The following SLC24A2 variants were observed in gnomAD, a reference collection of about 807,000 sequenced individuals.
The protein encoded by SLC24A2 is sodium/potassium/calcium exchanger 2.
In SLC24A2, 36 loss-of-function variants were observed where a neutral mutation model predicts 62.0. The observed-to-expected ratio is 0.58, with a 90% CI of 0.44 to 0.77. The LOEUF (loss-of-function observed/expected upper bound fraction) is 0.77. Ranked by LOEUF, SLC24A2 falls within the 30% of genes least tolerant of loss-of-function variation. The pLI is 0.00. For missense variants in SLC24A2, 846 were observed against 817.9 expected, an observed-to-expected ratio of 1.03 and a Z score of -0.42; for synonymous variants, 358 against 294.0, an observed-to-expected ratio of 1.22 and a Z score of -2.23.
At chr9:20,002,848 C>T in the SLC24A2 span, among the ~76,000 whole-genome samples, 14 of 152,202 alleles carry the variant, frequency 9.2e-5, no homozygotes, top group Admixed American at 2.6e-4. Flanking sequence ...TTCCACATAA[C>T]AGGGTTTTTC....
intron 7 of SLC24A2, among the ~76,000 whole-genome samples, chr9:19,555,157 A>G (rs1835020051): frequency 6.6e-6 from 1 of 151,892 alleles, no homozygotes; most frequent in Non-Finnish European, 1.5e-5. Context: ...GATAATCAAA[A>G]GGGCACTCTT....
At chr9:19,543,261 G>A (rs1406475280) in intron 8 of SLC24A2, among the ~76,000 whole-genome samples, 1 of 152,152 alleles carries the variant, frequency 6.6e-6, no homozygotes, top group Non-Finnish European at 1.5e-5. Context: ...ATTTCTGTGG[G>A]ATCAGTGGTG....
chr9:20,211,519 G>T, the SLC24A2 span, among the ~76,000 whole-genome samples: 1 of 151,944 alleles, frequency 6.6e-6, no homozygotes, highest in Non-Finnish European at 1.5e-5. Flanking sequence ...TCTCAAAAAA[G>T]AATAATAACA....
chr9:20,054,674 C>T, the SLC24A2 span, among the ~76,000 whole-genome samples: 30,334 of 152,068 alleles, frequency 0.2, 3,422 homozygotes, highest in African/African-American at 0.32. Context: ...TTAGAAGAGG[C>T]CTTGAGAGAG....
At chr9:20,014,426 C>T in the SLC24A2 span, among the ~76,000 whole-genome samples, 1 of 151,346 alleles carries the variant, frequency 6.6e-6, no homozygotes, top group Non-Finnish European at 1.5e-5. Flanking sequence ...TGTCTGCACT[C>T]CCACGATTAC....
chr9:19,960,074 A>G, the SLC24A2 span, among the ~76,000 whole-genome samples: 1 of 152,198 alleles, frequency 6.6e-6, no homozygotes, highest in Admixed American at 6.5e-5. Context: ...CGTTGAGGAT[A>G]AGCTATTGGC....
At chr9:19,794,177 C>A in the SLC24A2 span, among the ~76,000 whole-genome samples, 1 of 152,130 alleles carries the variant, frequency 6.6e-6, no homozygotes, top group South Asian at 2.1e-4. Flanking sequence ...TATTCACTTA[C>A]GAGGTAAGAA....
At chr9:20,012,896 G>GA in the SLC24A2 span, among the ~76,000 whole-genome samples, 102 of 145,700 alleles carry the variant, frequency 7.0e-4, no homozygotes, top group African/African-American at 1.5e-3. Flanking sequence ...GACAGAACTT[G>GA]AAAAAAAAAA....
intron 2 of SLC24A2, among the ~76,000 whole-genome samples, chr9:19,712,279 G>C (rs1204579959): frequency 1.3e-5 from 2 of 152,186 alleles, no homozygotes; most frequent in Non-Finnish European, 2.9e-5. Flanking sequence ...AATTCAAAGA[G>C]CCATGAGTCT....
At chr9:19,585,045 T>C (rs979709882) in intron 5 of SLC24A2, among the ~76,000 whole-genome samples, 2 of 152,136 alleles carry the variant, frequency 1.3e-5, no homozygotes, top group African/African-American at 4.8e-5. Context: ...AATATATACA[T>C]AATTATATCT....
chr9:19,577,066 AAG>A (rs780687883), intron 5 of SLC24A2, 44 bp from the exon 6 acceptor site: 1 of 1,524,592 alleles, frequency 6.6e-7, no homozygotes, highest in Non-Finnish European at 9.1e-7. Flanking sequence ...AATGAGAAAG[AAG>A]AGAGTCTCAG....
chr9:19,628,523 T>G (rs981856836), intron 2 of SLC24A2, among the ~76,000 whole-genome samples: 1 of 152,200 alleles, frequency 6.6e-6, no homozygotes, highest in Non-Finnish European at 1.5e-5. Flanking sequence ...AAAATCCAGA[T>G]GTTCCTAATT....
chr9:19,927,312 C>T, the SLC24A2 span: 26 of 152,324 alleles, frequency 1.7e-4, no homozygotes, highest in African/African-American at 4.8e-4. Flanking sequence ...TGCTTAAGCT[C>T]GCCTGCCTAG....
At chr9:20,028,586 T>C in the SLC24A2 span, among the ~76,000 whole-genome samples, 1 of 152,180 alleles carries the variant, frequency 6.6e-6, no homozygotes, top group South Asian at 2.1e-4. Context: ...CTCCCCACCC[T>C]GCCCTCACTT....
intron 2 of SLC24A2, among the ~76,000 whole-genome samples, chr9:19,780,872 C>CAAA (rs373405657): frequency 2.9e-3 from 105 of 35,760 alleles, no homozygotes; most frequent in African/African-American, 4.9e-3. Flanking sequence ...GACTCCGTCT[C>CAAA]AAAAAAAAAA....
the SLC24A2 span, among the ~76,000 whole-genome samples, chr9:20,085,679 T>C: frequency 6.6e-6 from 1 of 152,222 alleles, no homozygotes; most frequent in Admixed American, 6.5e-5. Context: ...TTAATATATG[T>C]TTCCAATTTA....
At chr9:20,266,820 A>G in the SLC24A2 span, among the ~76,000 whole-genome samples, 3 of 152,174 alleles carry the variant, frequency 2.0e-5, no homozygotes, top group Admixed American at 1.3e-4. Flanking sequence ...GCTCATGCCT[A>G]TAATTCCAAT....
At chr9:20,142,059 G>C in the SLC24A2 span, among the ~76,000 whole-genome samples, 1 of 152,142 alleles carries the variant, frequency 6.6e-6, no homozygotes, top group Non-Finnish European at 1.5e-5. Flanking sequence ...CTCCAGCCTG[G>C]ATGACAGAAT....
At chr9:19,883,153 G>T in the SLC24A2 span, among the ~76,000 whole-genome samples, 1 of 152,158 alleles carries the variant, frequency 6.6e-6, no homozygotes, top group Admixed American at 6.5e-5. Flanking sequence ...ACTGCCTTAA[G>T]AACTGCTAGA....
Sources: allele counts gnomAD v4.1 joint callset (sites outside exome capture counted in the v4.1 genomes callset), GRCh38; gene constraint gnomAD v4.1.1; transcripts MANE v1.5; gene names NCBI Gene and HGNC (gene_info 2026-07-23, HGNC 2026-07-21).